Variants in ITGA1 observed in about 807,000 individuals in gnomAD.
ITGA1 encodes integrin subunit alpha 1.
Under a neutral mutation model 145.9 loss-of-function variants are expected in ITGA1, and 85 were observed. The ratio of observed to expected loss-of-function variants is 0.58; its 90% CI spans 0.49 to 0.70. ITGA1 has a LOEUF of 0.70. Ranked by LOEUF, ITGA1 falls within the 30% of genes least tolerant of loss-of-function variation. The pLI is 0.00. For synonymous variants in ITGA1, 520 were observed against 495.3 expected (o/e 1.05, Z -0.66); for missense variants, 1,351 against 1,418.7 (o/e 0.95, Z 0.77).
In ITGA1 at chr5:52,910,427, T is replaced by C. The variant is rs1047768187; in HGVS notation, c.1857+8T>C. On this transcript the variant is annotated splice_region_variant and intron_variant, in intron 14 of 28. Transcript: ENST00000282588. ...AGGAAAGAGTATGCACAAGTAAGAATTGAAACCTACAGATTCCCACCCTTC... is the reference window on the plus strand; with the variant it reads ...AGGAAAGAGTATGCACAAGTAAGAACTGAAACCTACAGATTCCCACCCTTC... The C allele has an allele frequency of 1.2e-6, 2 of 1,607,620 alleles. No homozygotes were observed. The highest frequency in any genetic ancestry group is 1.7e-6 in the Non-Finnish European group (2 of 1,174,712).
intron 6 of ITGA1, among the ~76,000 whole-genome samples, chr5:52,866,807 A>G (rs1160284968): frequency 1.3e-5 from 2 of 152,212 alleles, no homozygotes; most frequent in Non-Finnish European, 2.9e-5. Context: ...GACTGATTTA[A>G]TGTTTATTAA....
chr5:52,925,422 G>C lies in ITGA1; in HGVS notation c.2548G>C (p.Asp850His). 1.9e-6 allele frequency: 3 copies of C among 1,614,036 alleles called. No homozygotes were observed. ...TAGCCTCACAGTCAAAAATACAAAG[G>C]ACAGTGCCTATAACACCAGGACAAT... ...NVSLTVKNTKDSAYNTRTIVH... is the reference protein window; with the variant it reads ...NVSLTVKNTKHSAYNTRTIVH... The change falls in exon 19 of 29, where the codon GAC (aspartate) becomes CAC (histidine). Residue 850 changes from aspartate to histidine, a missense_variant. Transcript: ENST00000282588.
intron 11 of ITGA1, chr5:52,905,045 T>C (rs1254933942): frequency 6.6e-6 from 1 of 152,154 alleles, no homozygotes; most frequent in Non-Finnish European, 1.5e-5. Context: ...TTGTCTTTCA[T>C]ATGGCGGTTC....
At chr5:52,914,972 G>A (rs1750620459) in intron 14 of ITGA1, among the ~76,000 whole-genome samples, 1 of 152,188 alleles carries the variant, frequency 6.6e-6, no homozygotes, top group African/African-American at 2.4e-5. Flanking sequence ...TTGAAAGACA[G>A]TAGAGATTAC....
intron 1 of ITGA1, among the ~76,000 whole-genome samples, chr5:52,830,595 T>C (rs541791699): frequency 1.2e-4 from 18 of 152,326 alleles, no homozygotes; most frequent in Non-Finnish European, 2.1e-4. Flanking sequence ...TTTTGAAAAT[T>C]TTCACAAAGT....
At chr5:52,876,059 T>C (rs1426087910) in intron 6 of ITGA1, among the ~76,000 whole-genome samples, 1 of 152,166 alleles carries the variant, frequency 6.6e-6, no homozygotes, top group Non-Finnish European at 1.5e-5. Flanking sequence ...TCCTCCTTCC[T>C]CCTTGAGGAT....
At chr5:52,937,320 C>A in intron 23 of ITGA1, 81 bp from the exon 24 acceptor site, 1 of 877,150 alleles carries the variant, frequency 1.1e-6, no homozygotes, top group Non-Finnish European at 1.9e-6. Flanking sequence ...ACTTCATCAG[C>A]TAGAAAACAA....
intron 15 of ITGA1, among the ~76,000 whole-genome samples, chr5:52,917,635 G>A (rs1750667130): frequency 1.3e-5 from 2 of 151,406 alleles, no homozygotes; most frequent in African/African-American, 4.8e-5. Flanking sequence ...GCTGTTCATT[G>A]TAATATAATG....
intron 1 of ITGA1, among the ~76,000 whole-genome samples, chr5:52,820,693 G>A (rs1164917429): frequency 1.3e-5 from 2 of 152,036 alleles, no homozygotes; most frequent in African/African-American, 2.4e-5. Context: ...TAATTATTTG[G>A]TGATATTTGG....
At chr5:52,827,959 C>A (rs1156772693) in intron 1 of ITGA1, among the ~76,000 whole-genome samples, 1 of 152,158 alleles carries the variant, frequency 6.6e-6, no homozygotes, top group African/African-American at 2.4e-5. Flanking sequence ...CCCGCAGTAT[C>A]TCTGTGATGT....
chr5:52,825,732 A>G (rs943956513), intron 1 of ITGA1, among the ~76,000 whole-genome samples: 2 of 152,186 alleles, frequency 1.3e-5, no homozygotes, highest in Non-Finnish European at 1.5e-5. Context: ...ATTCTGGTCA[A>G]CATGGTGAAA....
chr5:52,909,863 A>C (rs776989019), intron 13 of ITGA1, among the ~76,000 whole-genome samples: 7 of 151,994 alleles, frequency 4.6e-5, no homozygotes, highest in Admixed American at 3.3e-4. Flanking sequence ...TGGGTGAAGA[A>C]GGGATAGTGG....
intron 1 of ITGA1, among the ~76,000 whole-genome samples, chr5:52,838,928 C>T (rs1299593102): frequency 6.6e-6 from 1 of 152,074 alleles, no homozygotes; most frequent in Non-Finnish European, 1.5e-5. Flanking sequence ...GAGCACTTTT[C>T]TATACAAAAA....
chr5:52,940,706 G>A (rs1751042968), intron 26 of ITGA1, among the ~76,000 whole-genome samples: 1 of 152,126 alleles, frequency 6.6e-6, no homozygotes, highest in Non-Finnish European at 1.5e-5. Context: ...GAAGTATTTA[G>A]TTGAACATAT....
At chr5:52,922,937 A>G (rs1160961887) in intron 18 of ITGA1, 50 bp downstream of exon 18, 1 of 1,054,282 alleles carries the variant, frequency 9.5e-7, no homozygotes, top group Non-Finnish European at 1.5e-6. Context: ...GAACATTTTA[A>G]TGTCACTAGT....
chr5:52,846,512 A>T (rs922332699), intron 1 of ITGA1, among the ~76,000 whole-genome samples: 2 of 152,256 alleles, frequency 1.3e-5, no homozygotes, highest in African/African-American at 4.8e-5. Flanking sequence ...TTGTATATGC[A>T]GTTTGTCATT....
chr5:52,823,658 T>C (rs1439950650), intron 1 of ITGA1, among the ~76,000 whole-genome samples: 4 of 152,202 alleles, frequency 2.6e-5, no homozygotes, highest in African/African-American at 9.6e-5. Context: ...ACCAGTTAAA[T>C]GTTTATTTAC....
intron 19 of ITGA1, among the ~76,000 whole-genome samples, chr5:52,926,509 G>A (rs1750813335): frequency 6.6e-6 from 1 of 152,122 alleles, no homozygotes; most frequent in Admixed American, 6.5e-5. Context: ...GGCTGAGGCA[G>A]GAGAATCACT....
At position 52,910,393 on chromosome 5, in the gene ITGA1, A is replaced by G. The variant is rs764803647; in HGVS notation, c.1831A>G (p.Lys611Glu). Residue 611 changes from lysine (K) to glutamate (E), a missense_variant, in exon 14 of 29, where the codon AAG (lysine) becomes GAG (glutamate). By Grantham distance (56) the Lys-to-Glu change is moderately conservative. Coordinates refer to ENST00000282588, the MANE Select transcript of ITGA1 (RefSeq NM_181501.2). The stretch of plus-strand genomic sequence containing the variant: ...TGTGTACATTTATCATGGAAGTGGC[A>G]AGACTATAAGGAAAGAGTATGCACA... Reference protein sequence around the residue: ...GAVYIYHGSGKTIRKEYAQRI... With the variant: ...GAVYIYHGSGETIRKEYAQRI... The G allele has an allele frequency of 2.5e-6, 4 of 1,613,638 alleles. No individual in the cohort carries two copies. The South Asian group carries it at 4.4e-5, about 18-fold the overall frequency.
Sources: allele counts gnomAD v4.1 joint callset (sites outside exome capture counted in the v4.1 genomes callset), GRCh38; gene constraint gnomAD v4.1.1; transcripts MANE v1.5; gene names NCBI Gene and HGNC (gene_info 2026-07-23, HGNC 2026-07-21).